STOML3: variants seen among roughly 807,000 people sequenced by gnomAD.
STOML3 encodes stomatin like 3.
STOML3 carries 31 observed loss-of-function variants against 29.5 expected under a neutral mutation model. The ratio of observed to expected loss-of-function variants is 1.05; its 90% CI spans 0.79 to 1.42. STOML3 has a LOEUF of 1.42. STOML3 is among the 40% of genes most tolerant of loss of function. The probability of loss-of-function intolerance (pLI) is 0.00; values close to 1 mark genes in which losing one functional copy is unlikely to be tolerated. For missense variants in STOML3, 380 were observed against 363.0 expected (o/e 1.05, Z -0.38); for synonymous variants, 122 against 139.8 (o/e 0.87, Z 0.90).
intron 3 of STOML3, 150 bp downstream of exon 3, chr13:38,976,390 A>T: frequency 1.2e-6 from 1 of 803,584 alleles, no homozygotes; most frequent in Non-Finnish European, 2.0e-6. Flanking sequence ...AAAAGGTGGC[A>T]TTCTTCTGTT....
Position 38,990,665 on chromosome 13 carries a change from C to T in STOML3, c.52+5G>A. 1 of 1,613,884 alleles carries T rather than the reference C, an allele frequency of 6.2e-7. No individual in the cohort carries two copies. The highest frequency in any genetic ancestry group is 1.1e-5 in the South Asian group (1 of 91,042). On this transcript the variant is annotated splice_donor_5th_base_variant and intron_variant, in intron 1 of 6. Transcript: ENST00000379631. ...ACAAGCCTAAGACAGGAAAAAGGAA[C>T]TTACCCACGAAATTCTCTTTATCTT...
Position 38,989,322 on chromosome 13 carries a change from T to TA in STOML3, c.52+1347dup, listed in dbSNP as rs570381145. On this transcript the variant is annotated intron_variant, in intron 1 of 6. Transcript: ENST00000379631. ...CTACCCAGTTGATGTCTTCACCTGTTAAAATGGAAACTAAATGTCTCATGA... is the reference window on the plus strand; with the variant it reads ...CTACCCAGTTGATGTCTTCACCTGTTAAAAATGGAAACTAAATGTCTCATGA... Among the ~76,000 whole-genome samples, 40 of 152,178 alleles carry TA rather than the reference T, an allele frequency of 2.6e-4. 2 individuals are homozygous for TA. The South Asian group carries it at 8.3e-3, about 32-fold the overall frequency.
chr13:38,979,946 A>G, intron 1 of STOML3: 2 of 1,120,490 alleles, frequency 1.8e-6, no homozygotes, highest in Non-Finnish European at 2.6e-6. Flanking sequence ...ACAGGACACC[A>G]GCTGTGCTTA....
At chr13:38,987,884 A>T in intron 1 of STOML3, among the ~76,000 whole-genome samples, 1 of 72,782 alleles carries the variant, frequency 1.4e-5, no homozygotes, top group Non-Finnish European at 2.1e-5. Flanking sequence ...ATTATATTTT[A>T]TATAATATAT....
chr13:38,970,097 G>T, intron 5 of STOML3, 88 bp downstream of exon 5: 1 of 1,221,344 alleles, frequency 8.2e-7, no homozygotes, highest in African/African-American at 1.5e-5. Flanking sequence ...TGTGGTGGGG[G>T]ATGCTTTGAA....
intron 1 of STOML3, among the ~76,000 whole-genome samples, chr13:38,987,290 A>C (rs1229772093): frequency 6.6e-6 from 1 of 152,078 alleles, no homozygotes; most frequent in East Asian, 1.9e-4. Context: ...TGGGAGGCTG[A>C]GGCTGGAGGA....
At chr13:38,982,209 C>A (rs1418288660) in intron 1 of STOML3, among the ~76,000 whole-genome samples, 2 of 151,788 alleles carry the variant, frequency 1.3e-5, no homozygotes, top group African/African-American at 4.8e-5. Flanking sequence ...TGACCCTAGG[C>A]CCCTAATCTC....
rs1302192573 is a variant in STOML3, at chr13:38,976,738, A to G, written c.112T>C (p.Leu38=). The part of the protein sequence containing the change: ...GWILFSLSFL[L]VIITFPISIW... ...GAGATGGGGAAGGTAATGATCACCA[A>G]CAGGAAAGAGAGGGAAAACAGGATC... is the stretch of plus-strand genomic sequence containing the variant. Residue 38 remains leucine (L), a synonymous_variant, in exon 2 of 7, where the codon TTG becomes CTG. Coordinates refer to ENST00000379631, the MANE Select transcript of STOML3 (RefSeq NM_145286.3). The G allele has an allele frequency of 6.2e-7, 1 of 1,614,174 alleles. No individual in the cohort carries two copies. Among genetic ancestry groups the G allele is most frequent in the African/African-American group, 1.3e-5 (1 of 75,060 alleles).
At chr13:38,984,506 G>A (rs1407656057) in intron 1 of STOML3, among the ~76,000 whole-genome samples, 2 of 152,130 alleles carry the variant, frequency 1.3e-5, no homozygotes, top group African/African-American at 4.8e-5. Context: ...TTATAATAGT[G>A]TGTTTTTATT....
rs532800270 is a variant in STOML3 at position 38,987,028 on chromosome 13, G to T, written c.52+3642C>A. 7.9e-4 allele frequency among the ~76,000 whole-genome samples: 121 copies of T among 152,202 alleles called. 3 individuals carry two copies. In the South Asian group the frequency reaches 0.021, roughly 27 times the overall value. ...AAAACAAATCAAAAAAGAATAAAAG[G>T]GGGGCAGAAGAGAATGTCAAAGCCA... is the stretch of plus-strand genomic sequence containing the variant. On this transcript the variant is annotated intron_variant, in intron 1 of 6. Coordinates refer to ENST00000379631, the MANE Select transcript of STOML3 (RefSeq NM_145286.3).
chr13:38,974,655 G>GT, intron 3 of STOML3, among the ~76,000 whole-genome samples: 1 of 152,284 alleles, frequency 6.6e-6, no homozygotes, highest in South Asian at 2.1e-4. Context: ...AAGTGGAGAG[G>GT]TTTTCCATTA....
chr13:38,988,173 T>A (rs1232669387), intron 1 of STOML3, among the ~76,000 whole-genome samples: 10 of 92,322 alleles, frequency 1.1e-4, no homozygotes, highest in African/African-American at 4.0e-4. Context: ...ATATAATATA[T>A]TATATTTTAT....
chr13:38,984,976 A>G (rs1379507245), intron 1 of STOML3, among the ~76,000 whole-genome samples: 1 of 152,176 alleles, frequency 6.6e-6, no homozygotes, highest in Non-Finnish European at 1.5e-5. Context: ...TAATAGATTT[A>G]CTGATCTGTT....
At chr13:38,985,485 A>G (rs535740921) in intron 1 of STOML3, among the ~76,000 whole-genome samples, 2 of 152,168 alleles carry the variant, frequency 1.3e-5, no homozygotes, top group African/African-American at 2.4e-5. Flanking sequence ...TCCTTGCATC[A>G]TCTTATCATT....
chr13:38,978,697 A>G lies in STOML3; in HGVS notation c.53-1900T>C, dbSNP rs938973876. ...CATTGCCTCTTCCCTATCCAGTTGC[A>G]GAAAGTCACTAAACCTAAATGATAC... On this transcript the variant is annotated intron_variant, in intron 1 of 6. Coordinates refer to ENST00000379631, the MANE Select transcript of STOML3 (RefSeq NM_145286.3). Among the ~76,000 whole-genome samples the G allele has an allele frequency of 2.0e-5, 3 of 152,200 alleles. No homozygotes were observed. The East Asian group carries it at 5.8e-4, about 29-fold the overall frequency.
At position 38,986,037 on chromosome 13, in the gene STOML3, T is replaced by G. The variant is rs866306038; in HGVS notation, c.52+4633A>C. ...GTTTTCTTTGACATATTTACCTGGTTTTTTTTTTTTTTTTTTTTGGTTTGT... is the reference window on the plus strand; with the variant it reads ...GTTTTCTTTGACATATTTACCTGGTGTTTTTTTTTTTTTTTTTTGGTTTGT... On this transcript the variant is annotated intron_variant, in intron 1 of 6. Coordinates refer to ENST00000379631, the MANE Select transcript of STOML3 (RefSeq NM_145286.3). Among the ~76,000 whole-genome samples, 10 of 83,244 alleles carry G rather than the reference T, an allele frequency of 1.2e-4. No individual in the cohort carries two copies. In the East Asian group the frequency reaches 2.5e-3, roughly 21 times the overall value. The allele number at this position is 83,244 out of a possible 152,430, so 54.6% of individuals were successfully genotyped here.
chr13:38,977,846 G>C (rs1267249112), intron 1 of STOML3, among the ~76,000 whole-genome samples: 1 of 130,692 alleles, frequency 7.7e-6, no homozygotes, highest in Non-Finnish European at 1.6e-5. Context: ...TGCAAGCTCC[G>C]CCTCCCGGGT....
intron 1 of STOML3, among the ~76,000 whole-genome samples, chr13:38,983,678 G>A (rs1379516196): frequency 6.6e-6 from 1 of 152,150 alleles, no homozygotes; most frequent in African/African-American, 2.4e-5. Flanking sequence ...AGAGCTGGAT[G>A]ATGATCTTAT....
At chr13:38,974,738 C>T (rs1018162754) in intron 3 of STOML3, among the ~76,000 whole-genome samples, 6 of 152,026 alleles carry the variant, frequency 3.9e-5, no homozygotes, top group African/African-American at 1.2e-4. Flanking sequence ...ACACGTATGA[C>T]GAGAGTTGTT....
Sources: allele counts gnomAD v4.1 joint callset (sites outside exome capture counted in the v4.1 genomes callset), GRCh38; gene constraint gnomAD v4.1.1; transcripts MANE v1.5; gene names NCBI Gene and HGNC (gene_info 2026-07-23, HGNC 2026-07-21).